The following SKIC3 variants were observed in gnomAD, a reference collection of about 807,000 sequenced individuals.
SKIC3 encodes the protein SKI3 subunit of superkiller complex, also known as superkiller complex protein 3.
chr5:95,500,340 A>G, the SKIC3 span, among the ~76,000 whole-genome samples: 1 of 152,224 alleles, frequency 6.6e-6, no homozygotes, highest in Admixed American at 6.5e-5. Flanking sequence ...ACAGTCCAGC[A>G]TAATTAGGCT....
the SKIC3 span, among the ~76,000 whole-genome samples, chr5:95,514,232 C>A: frequency 1.3e-5 from 2 of 152,060 alleles, no homozygotes; most frequent in African/African-American, 4.8e-5. Context: ...AACTTCGAGG[C>A]CACTCAGTCT....
the SKIC3 span, among the ~76,000 whole-genome samples, chr5:95,535,448 T>C: frequency 7.3e-5 from 11 of 151,664 alleles, no homozygotes; most frequent in East Asian, 1.9e-4. Flanking sequence ...GTAGCTGGGA[T>C]TACAGGCGCC....
chr5:95,467,454 G>T, the SKIC3 span, among the ~76,000 whole-genome samples: 1 of 152,240 alleles, frequency 6.6e-6, no homozygotes, highest in South Asian at 2.1e-4. Flanking sequence ...TTAGATTAGG[G>T]ATGCTCAACC....
At chr5:95,547,025 C>T in the SKIC3 span, 1 of 1,574,476 alleles carries the variant, frequency 6.4e-7, no homozygotes, top group Non-Finnish European at 8.7e-7. Flanking sequence ...AAATGGGTAA[C>T]ATACTTTCAT....
At chr5:95,498,367 T>C in the SKIC3 span, 2 of 1,614,028 alleles carry the variant, frequency 1.2e-6, no homozygotes, top group Non-Finnish European at 1.7e-6. Context: ...ATACAGAATT[T>C]ACCTGTGAAC....
chr5:95,507,361 A>G, the SKIC3 span, among the ~76,000 whole-genome samples: 1 of 152,210 alleles, frequency 6.6e-6, no homozygotes, highest in Non-Finnish European at 1.5e-5. Flanking sequence ...CTATTTATAT[A>G]TTAGTAGTTT....
the SKIC3 span, chr5:95,497,323 T>C: frequency 1.2e-5 from 14 of 1,158,088 alleles, no homozygotes; most frequent in Non-Finnish European, 1.6e-5. Context: ...ACAAATTATC[T>C]TGCAGAAGAA....
the SKIC3 span, chr5:95,494,927 T>C: frequency 6.2e-7 from 1 of 1,607,726 alleles, no homozygotes; most frequent in Non-Finnish European, 8.5e-7. Flanking sequence ...TATTATTTAA[T>C]AAATTCAACA....
At chr5:95,512,637 T>G in the SKIC3 span, 1 of 1,613,722 alleles carries the variant, frequency 6.2e-7, no homozygotes, top group South Asian at 1.1e-5. Context: ...AAGCCAACGT[T>G]AAGCAGACAT....
At chr5:95,480,884 T>C in the SKIC3 span, among the ~76,000 whole-genome samples, 2 of 152,060 alleles carry the variant, frequency 1.3e-5, no homozygotes, top group African/African-American at 2.4e-5. Flanking sequence ...TACTACTCCA[T>C]TGATATGAAG....
chr5:95,553,189 G>C, the SKIC3 span, among the ~76,000 whole-genome samples: 1 of 152,172 alleles, frequency 6.6e-6, no homozygotes, highest in African/African-American at 2.4e-5. Flanking sequence ...TAAAATATCT[G>C]TCTTGCTCCA....
At chr5:95,530,092 C>T in the SKIC3 span, 1 of 1,613,024 alleles carries the variant, frequency 6.2e-7, no homozygotes, top group Non-Finnish European at 8.5e-7. Flanking sequence ...CATTTACCTT[C>T]TGTTAGGTTC....
At chr5:95,492,652 GAAAAAAAAAA>G in the SKIC3 span, among the ~76,000 whole-genome samples, 7 of 48,836 alleles carry the variant, frequency 1.4e-4, no homozygotes, top group South Asian at 2.5e-3. Flanking sequence ...AAAAAAAAAA[GAAAAAAAAAA>G]AAAAAAAAAA....
chr5:95,491,667 G>A, the SKIC3 span, among the ~76,000 whole-genome samples: 2 of 152,158 alleles, frequency 1.3e-5, no homozygotes, highest in East Asian at 3.8e-4. Flanking sequence ...AACTTTTTAT[G>A]CATAGAAAAG....
At chr5:95,506,950 A>G in the SKIC3 span, 1 of 1,613,520 alleles carries the variant, frequency 6.2e-7, no homozygotes, top group Non-Finnish European at 8.5e-7. Context: ...AATCTGCCGT[A>G]ATTTCTTATT....
the SKIC3 span, among the ~76,000 whole-genome samples, chr5:95,512,241 A>C: frequency 0.23 from 35,075 of 152,018 alleles, 5,090 homozygotes; most frequent in African/African-American, 0.41. Context: ...AATACACTCT[A>C]CACTATAACA....
At chr5:95,527,730 C>A in the SKIC3 span, among the ~76,000 whole-genome samples, 7 of 152,214 alleles carry the variant, frequency 4.6e-5, no homozygotes, top group African/African-American at 1.4e-4. Context: ...TAATAATAAT[C>A]AAGTAGTAAT....
chr5:95,512,045 A>G, the SKIC3 span, among the ~76,000 whole-genome samples: 1 of 152,194 alleles, frequency 6.6e-6, no homozygotes, highest in Non-Finnish European at 1.5e-5. Flanking sequence ...CACTTCATTT[A>G]TATTATCTCA....
At chr5:95,515,348 C>T in the SKIC3 span, among the ~76,000 whole-genome samples, 656 of 152,202 alleles carry the variant, frequency 4.3e-3, 5 homozygotes, top group African/African-American at 0.015. Flanking sequence ...TACCTGCTAC[C>T]AGAGAAGGAG....
Sources: gnomAD v4.1 joint callset for allele counts (sites outside exome capture counted in the v4.1 genomes callset) on GRCh38, gnomAD v4.1.1 for gene constraint, MANE v1.5 for transcripts, NCBI Gene and HGNC (gene_info 2026-07-23, HGNC 2026-07-21) for gene names.